YWHAE: variants seen among roughly 807,000 people sequenced by gnomAD.
The protein encoded by YWHAE is 14-3-3 protein epsilon.
In YWHAE, 4 loss-of-function variants were observed where a neutral mutation model predicts 30.1. The ratio of observed to expected loss-of-function variants is 0.13; its 90% CI spans 0.07 to 0.30. The LOEUF is 0.30. Ranked by LOEUF, YWHAE falls within the 10% of genes least tolerant of loss-of-function variation. YWHAE has a pLI of 1.00. For synonymous variants in YWHAE, 118 were observed against 111.8 expected (o/e 1.06, Z -0.35); for missense variants, 121 against 315.9 (o/e 0.38, Z 4.68).
chr17:1,356,096 G>A (rs975966876), intron 4 of YWHAE, among the ~76,000 whole-genome samples: 2 of 152,080 alleles, frequency 1.3e-5, no homozygotes, highest in African/African-American at 4.8e-5. Context: ...GTGAACCCAG[G>A]AGGCGGAGCC....
chr17:1,396,476 G>C (rs906920856), intron 1 of YWHAE, among the ~76,000 whole-genome samples: 1 of 152,084 alleles, frequency 6.6e-6, no homozygotes, highest in Non-Finnish European at 1.5e-5. Flanking sequence ...TGCATTCCTA[G>C]GGAATCCAAC....
rs533093182 is a variant in YWHAE at position 1,399,629 on chromosome 17, A to C, written c.64+418T>G. Reference sequence around the variant, plus strand: ...CAGCTCCCGGTCTTCGCTCTCTCCCATGTGGCGGGTGCTGCTTCCCCCGTC... The same window carrying C: ...CAGCTCCCGGTCTTCGCTCTCTCCCCTGTGGCGGGTGCTGCTTCCCCCGTC... On this transcript the variant is annotated intron_variant, in intron 1 of 5. Coordinates refer to ENST00000264335, the MANE Select transcript of YWHAE (RefSeq NM_006761.5). 611 of 248,206 alleles carry C rather than the reference A, an allele frequency of 2.5e-3. 3 individuals carry two copies. The highest frequency in any genetic ancestry group is 0.013 in the African/African-American group (567 of 42,886). The allele number at this position is 248,206 out of a possible 1,614,324, so 15.4% of individuals were successfully genotyped here.
At chr17:1,355,148 A>AAAAAAAT (rs1555639303) in intron 4 of YWHAE, among the ~76,000 whole-genome samples, 34 of 76,838 alleles carry the variant, frequency 4.4e-4, no homozygotes, top group South Asian at 1.4e-3. Flanking sequence ...AAAAAAAAAA[A>AAAAAAAT]TTTTTTTTTT....
At chr17:1,357,169 C>A (rs1460997322) in intron 4 of YWHAE, among the ~76,000 whole-genome samples, 1 of 150,960 alleles carries the variant, frequency 6.6e-6, no homozygotes, top group Non-Finnish European at 1.5e-5. Context: ...TTTGGGAGGC[C>A]GAGGCGGGTG....
intron 1 of YWHAE, among the ~76,000 whole-genome samples, chr17:1,387,716 G>A (rs899929502): frequency 5.9e-5 from 9 of 151,960 alleles, no homozygotes; most frequent in African/African-American, 1.2e-4. Context: ...TCTACCTCCC[G>A]AGTTCAAGCG....
At chr17:1,351,794 A>C (rs369166461) in intron 5 of YWHAE, among the ~76,000 whole-genome samples, 1 of 152,002 alleles carries the variant, frequency 6.6e-6, no homozygotes, top group African/African-American at 2.4e-5. Context: ...GTTTTGAGAC[A>C]AAGTCCTGCT....
intron 1 of YWHAE, among the ~76,000 whole-genome samples, chr17:1,366,033 T>C (rs1232225119): frequency 2.6e-5 from 4 of 151,896 alleles, no homozygotes; most frequent in Admixed American, 6.6e-5. Context: ...CTGGCCAACA[T>C]GGTGAAACAC....
At chr17:1,350,216 T>A (rs528559198) in intron 5 of YWHAE, among the ~76,000 whole-genome samples, 1 of 151,852 alleles carries the variant, frequency 6.6e-6, no homozygotes. Context: ...CCTCCCAAAG[T>A]GCTGGGATTA....
At chr17:1,347,941 T>C (rs1190273332) in intron 5 of YWHAE, 2 of 1,008,200 alleles carry the variant, frequency 2.0e-6, no homozygotes, top group Non-Finnish European at 1.2e-6. Flanking sequence ...CGGAATTCAC[T>C]GTGCCATGAA....
intron 1 of YWHAE, 24 bp from the exon 2 acceptor site, chr17:1,365,082 G>C (rs780839892): frequency 1.4e-5 from 23 of 1,603,624 alleles, no homozygotes; most frequent in African/African-American, 2.7e-5. Flanking sequence ...GGAAAAGTCA[G>C]ACCTTACAAA....
At chr17:1,364,466 TC>T (rs1424284166) in intron 2 of YWHAE, among the ~76,000 whole-genome samples, 1 of 152,106 alleles carries the variant, frequency 6.6e-6, no homozygotes, top group African/African-American at 2.4e-5. Context: ...GACCTCGTGA[TC>T]CGCCCACCTC....
intron 2 of YWHAE, among the ~76,000 whole-genome samples, chr17:1,362,605 C>T (rs549063716): frequency 7.2e-5 from 11 of 152,006 alleles, no homozygotes; most frequent in Non-Finnish European, 1.3e-4. Flanking sequence ...GCTACTGCCA[C>T]CCATCTCTAT....
rs1223627095 is a variant in YWHAE, at chr17:1,345,421, G to C, written c.*26C>G. ...GGATGGGGAGGAGGGGGTGGTCAGAGATGGTTTCTCTTGTTGGCTTATGTC... is the reference window on the plus strand; with the variant it reads ...GGATGGGGAGGAGGGGGTGGTCAGACATGGTTTCTCTTGTTGGCTTATGTC... On this transcript the variant is annotated 3_prime_UTR_variant, in exon 6 of 6. Transcript: ENST00000264335. 3 of 1,613,384 alleles carry C rather than the reference G, an allele frequency of 1.9e-6. No individual in the cohort carries two copies. The highest frequency in any genetic ancestry group is 2.5e-6 in the Non-Finnish European group (3 of 1,179,570).
intron 4 of YWHAE, among the ~76,000 whole-genome samples, chr17:1,358,217 T>C (rs1294187784): frequency 6.6e-6 from 1 of 152,018 alleles, no homozygotes; most frequent in Non-Finnish European, 1.5e-5. Flanking sequence ...AGCCAGACCC[T>C]GCCTCTACAA....
At chr17:1,358,886 G>C (rs1321549326) in intron 4 of YWHAE, among the ~76,000 whole-genome samples, 1 of 145,034 alleles carries the variant, frequency 6.9e-6, no homozygotes, top group Non-Finnish European at 1.5e-5. Flanking sequence ...TGTAATCCCA[G>C]AACTTTGGGA....
At chr17:1,388,424 G>A (rs529429687) in intron 1 of YWHAE, among the ~76,000 whole-genome samples, 14 of 151,936 alleles carry the variant, frequency 9.2e-5, no homozygotes, top group African/African-American at 2.9e-4. Context: ...GCTGAGGCAG[G>A]AGAATGGAGT....
chr17:1,355,283 A>G (rs2072721734), intron 4 of YWHAE, among the ~76,000 whole-genome samples: 1 of 147,660 alleles, frequency 6.8e-6, no homozygotes, highest in South Asian at 2.2e-4. Context: ...CAGCCTCCCG[A>G]GTAGCCGGGA....
chr17:1,356,335 C>A (rs60341806), intron 4 of YWHAE, among the ~76,000 whole-genome samples: 2 of 151,976 alleles, frequency 1.3e-5, no homozygotes, highest in Non-Finnish European at 2.9e-5. Flanking sequence ...TGCCAATGCA[C>A]TCCAGCCTGG....
chr17:1,398,047 G>C (rs568553388), intron 1 of YWHAE, among the ~76,000 whole-genome samples: 8 of 152,196 alleles, frequency 5.3e-5, no homozygotes, highest in Admixed American at 1.3e-4. Flanking sequence ...ACAATCACAA[G>C]CTTTCAAATC....
Sources: allele counts gnomAD v4.1 joint callset (sites outside exome capture counted in the v4.1 genomes callset), GRCh38; gene constraint gnomAD v4.1.1; transcripts MANE v1.5; gene names NCBI Gene and HGNC (gene_info 2026-07-23, HGNC 2026-07-21).